Variants in PREX1 observed in about 807,000 individuals in gnomAD.
The protein encoded by PREX1 is phosphatidylinositol-3,4,5-trisphosphate dependent Rac exchange factor 1, also known as phosphatidylinositol 3,4,5-trisphosphate-dependent Rac exchanger 1 protein.
Under a neutral mutation model 198.3 loss-of-function variants are expected in PREX1, and 41 were observed. The ratio of observed to expected loss-of-function variants is 0.21; its 90% CI spans 0.16 to 0.27. The LOEUF is 0.27. Ranked by LOEUF, PREX1 falls within the 10% of genes least tolerant of loss-of-function variation. The pLI is 1.00. For missense variants in PREX1, 1,620 were observed against 2,200.7 expected (o/e 0.74, Z 5.28); for synonymous variants, 843 against 887.2 (o/e 0.95, Z 0.89).
intron 7 of PREX1, among the ~76,000 whole-genome samples, chr20:48,695,165 C>T (rs1223640025): frequency 6.6e-6 from 1 of 152,206 alleles, no homozygotes; most frequent in Non-Finnish European, 1.5e-5. Flanking sequence ...TTTCCCATCA[C>T]TGCCCTCTTC....
At chr20:48,645,534 T>C (rs2089444482) in intron 26 of PREX1, among the ~76,000 whole-genome samples, 1 of 152,076 alleles carries the variant, frequency 6.6e-6, no homozygotes, top group Non-Finnish European at 1.5e-5. Context: ...TTACACTGAG[T>C]TTGCAAACAC....
Position 48,650,076 on chromosome 20 carries a change from T to G in PREX1, c.2948A>C (p.Lys983Thr). The G allele has an allele frequency of 6.2e-7, 1 of 1,614,206 alleles. No individual in the cohort carries two copies. Among genetic ancestry groups the G allele is most frequent in the South Asian group, 1.1e-5 (1 of 91,088 alleles). ...HINLMEVSYP[K>T]TTPSVGRSFS... ...GGACCTGCCCACTGAGGGGGTGGTC[T>G]TGGGGTAGGACACTTCCATGAGGTT... The change falls in exon 24 of 40, where the codon AAG becomes ACG. Residue 983 changes from lysine to threonine, a missense_variant. Coordinates refer to ENST00000371941, the MANE Select transcript of PREX1 (RefSeq NM_020820.4).
intron 5 of PREX1, among the ~76,000 whole-genome samples, chr20:48,717,508 A>C (rs1054665451): frequency 2.5e-4 from 38 of 152,138 alleles, no homozygotes; most frequent in African/African-American, 8.4e-4. Flanking sequence ...AAAAAAAAAA[A>C]AAAAGGAAAA....
rs143684652 is a variant in PREX1 at position 48,790,359 on chromosome 20, A to G, written c.219+37283T>C. The stretch of plus-strand genomic sequence containing the variant: ...TTCAGAAGCAACCTCAAGTTCCACG[A>G]GCCTCCCCCGAAAGTAGGAACGGAA... On this transcript the variant is annotated intron_variant, in intron 1 of 39. Coordinates refer to ENST00000371941, the MANE Select transcript of PREX1 (RefSeq NM_020820.4). 7.9e-5 allele frequency among the ~76,000 whole-genome samples: 12 copies of G among 152,240 alleles called. No individual in the cohort carries two copies. The East Asian group carries it at 1.9e-3, about 25-fold the overall frequency.
chr20:48,632,763 TC>T (rs996776239), intron 33 of PREX1, 124 bp from the exon 34 acceptor site: 5 of 1,008,622 alleles, frequency 5.0e-6, no homozygotes, highest in African/African-American at 1.6e-5. Flanking sequence ...CCCTGGGACC[TC>T]CCTGTTCTCC....
the PREX1 span, among the ~76,000 whole-genome samples, chr20:48,872,695 G>A: frequency 3.9e-5 from 6 of 152,104 alleles, no homozygotes; most frequent in Non-Finnish European, 7.4e-5. Flanking sequence ...GCAGTGAGCC[G>A]AGATCGTGTC....
chr20:48,713,277 C>A (rs2089943504), intron 5 of PREX1, among the ~76,000 whole-genome samples: 1 of 152,072 alleles, frequency 6.6e-6, no homozygotes, highest in Non-Finnish European at 1.5e-5. Context: ...CATGGCAAAA[C>A]CCCATCTCTA....
intron 26 of PREX1, among the ~76,000 whole-genome samples, chr20:48,644,737 T>C (rs1484466864): frequency 1.3e-5 from 2 of 152,002 alleles, no homozygotes; most frequent in Admixed American, 6.5e-5. Context: ...AACACAGAAA[T>C]AGGAGGAAGA....
intron 10 of PREX1, among the ~76,000 whole-genome samples, chr20:48,683,919 T>C (rs576433299): frequency 4.0e-5 from 6 of 151,232 alleles, no homozygotes; most frequent in African/African-American, 1.5e-4. Context: ...CCCTGAGAGG[T>C]AAGGTCAGGA....
chr20:48,806,341 C>T (rs535159639), intron 1 of PREX1, among the ~76,000 whole-genome samples: 1 of 152,270 alleles, frequency 6.6e-6, no homozygotes, highest in South Asian at 2.1e-4. Flanking sequence ...ACCTGCTATC[C>T]TGATTCTCAA....
intron 1 of PREX1, among the ~76,000 whole-genome samples, chr20:48,799,515 A>G (rs1568868537): frequency 6.6e-6 from 1 of 152,248 alleles, no homozygotes; most frequent in African/African-American, 2.4e-5. Flanking sequence ...TGGAGACTGC[A>G]TGTGCTAAAA....
At chr20:48,837,452 C>G in the PREX1 span, among the ~76,000 whole-genome samples, 1 of 152,172 alleles carries the variant, frequency 6.6e-6, no homozygotes, top group East Asian at 1.9e-4. Flanking sequence ...TGGATAAAGA[C>G]AATGTGGCAC....
chr20:48,700,364 G>A (rs756186077), intron 7 of PREX1, among the ~76,000 whole-genome samples: 7 of 152,004 alleles, frequency 4.6e-5, no homozygotes, highest in Non-Finnish European at 7.4e-5. Flanking sequence ...GACAAATTTA[G>A]GTGTTTTGTG....
At chr20:48,853,244 A>T in the PREX1 span, among the ~76,000 whole-genome samples, 1 of 152,374 alleles carries the variant, frequency 6.6e-6, no homozygotes, top group Admixed American at 6.5e-5. Context: ...GCTGAGCTGC[A>T]GGTAACATGG....
rs72468309 is a variant in PREX1 at position 48,787,436 on chromosome 20, GAA to G, written c.220-39558_220-39557del. On this transcript the variant is annotated intron_variant, in intron 1 of 39. Coordinates refer to ENST00000371941, the MANE Select transcript of PREX1 (RefSeq NM_020820.4). ...AAAACATCACACATTACAAGTGTTT[GAA>G]GGAACAGCGAATGCCCGCTGGCAGC... Among the ~76,000 whole-genome samples, 271 of 152,086 alleles carry G rather than the reference GAA, an allele frequency of 1.8e-3. 1 individual carries two copies. The highest frequency in any genetic ancestry group is 6.2e-3 in the African/African-American group (258 of 41,540).
chr20:48,627,944 G>A lies in PREX1; in HGVS notation c.4786C>T (p.Leu1596=), dbSNP rs766245000. The A allele has an allele frequency of 3.4e-5, 54 of 1,611,692 alleles. No individual in the cohort carries two copies. The Admixed American group carries it at 8.7e-4, about 26-fold the overall frequency. ...CGTGCCAAGATGGCCGCCTGCTCCAGGGACACGCTCAGGGTGCTCCTGCAG... is the reference window on the plus strand; with the variant it reads ...CGTGCCAAGATGGCCGCCTGCTCCAAGGACACGCTCAGGGTGCTCCTGCAG... ...GMQRSTLSVS[L]EQAAILARSH... is the part of the protein sequence containing the mutation. The change falls in exon 38 of 40, where the codon CTG becomes TTG. Residue 1596 remains leucine (L), a synonymous_variant. Transcript: ENST00000371941.
At chr20:48,676,309 G>C (rs1304220438) in intron 13 of PREX1, 41 bp from the exon 14 acceptor site, 2 of 1,583,886 alleles carry the variant, frequency 1.3e-6, no homozygotes, top group Non-Finnish European at 1.7e-6. Flanking sequence ...GGCAGGGCGG[G>C]GAGGACAGAG....
chr20:48,844,131 C>T, the PREX1 span, among the ~76,000 whole-genome samples: 1 of 147,656 alleles, frequency 6.8e-6, no homozygotes, highest in Non-Finnish European at 1.5e-5. Flanking sequence ...CACAGCAAGA[C>T]CCTGTCTCAA....
chr20:48,763,649 T>C (rs1187153524), intron 1 of PREX1, among the ~76,000 whole-genome samples: 1 of 152,180 alleles, frequency 6.6e-6, no homozygotes, highest in East Asian at 1.9e-4. Flanking sequence ...TGAAGGATTG[T>C]ATTTGTAGAG....
Sources: allele counts gnomAD v4.1 joint callset (sites outside exome capture counted in the v4.1 genomes callset), GRCh38; gene constraint gnomAD v4.1.1; transcripts MANE v1.5; gene names NCBI Gene and HGNC (gene_info 2026-07-23, HGNC 2026-07-21).